Variants in METTL2A observed in about 807,000 individuals in gnomAD.
The protein encoded by METTL2A is methyltransferase 2A, tRNA N3-cytidine.
In METTL2A, 45 loss-of-function variants were observed where a neutral mutation model predicts 49.4. The observed-to-expected ratio is 0.91, with a 90% CI of 0.72 to 1.17. The LOEUF (loss-of-function observed/expected upper bound fraction) is 1.17, where lower values mean the gene tolerates loss of function less well. Among genes scored for constraint, METTL2A ranks in the 50% most tolerant of loss-of-function variants. The pLI is 0.00. For missense variants in METTL2A, 361 were observed against 462.2 expected, an observed-to-expected ratio of 0.78 and a Z score of 2.01; for synonymous variants, 118 against 167.5, an observed-to-expected ratio of 0.70 and a Z score of 2.28.
In METTL2A at chr17:62,435,297, G is replaced by A. The variant is rs1402101357; in HGVS notation, c.669+5G>A. 3.7e-6 allele frequency: 6 copies of A among 1,613,956 alleles called. No individual in the cohort carries two copies. Among genetic ancestry groups the A allele is most frequent in the Middle Eastern group, 3.3e-4 (2 of 6,060 alleles). On this transcript the variant is annotated splice_donor_5th_base_variant and intron_variant, in intron 5 of 8. Coordinates refer to ENST00000311506, the MANE Select transcript of METTL2A (RefSeq NM_181725.4). ...ACAGCTATAGAACTGGTCCAGGTGA[G>A]TACAATGGGAAATTACCTATTGGTA...
rs537670841 is a variant in METTL2A at position 62,453,292 on chromosome 17, C to T, written c.*4563C>T. On this transcript the variant is annotated 3_prime_UTR_variant, in exon 9 of 9. Transcript: ENST00000311506. ...TTGCATAACGTTTCATCCTCAGAAT[C>T]GCTAATGATGGGCAGAGGACTGTTA... is the stretch of plus-strand genomic sequence containing the variant. 4.6e-5 allele frequency among the ~76,000 whole-genome samples: 7 copies of T among 152,230 alleles called. No homozygotes were observed. Among genetic ancestry groups the T allele is most frequent in the East Asian group, 1.9e-4 (1 of 5,184 alleles).
chr17:62,426,351 C>T lies in METTL2A; in HGVS notation c.255C>T (p.His85=), dbSNP rs543874939. The change falls in exon 3 of 9, where the codon CAC becomes CAT. Residue 85 remains histidine (H), a synonymous_variant. Coordinates refer to ENST00000311506, the MANE Select transcript of METTL2A (RefSeq NM_181725.4). ...HKYWNDFYKI[H]ENGFFKDRHW... ...ACTGGAATGACTTCTACAAAATCCA[C>T]GAAAATGGGTTTTTCAAGGATAGAC... The T allele has an allele frequency of 4.9e-5, 79 of 1,613,338 alleles. No homozygotes were observed. The East Asian group carries it at 1.3e-3, about 26-fold the overall frequency.
chr17:62,447,217 G>C (rs1326594907), intron 7 of METTL2A, among the ~76,000 whole-genome samples: 4 of 152,136 alleles, frequency 2.6e-5, no homozygotes, highest in Non-Finnish European at 2.9e-5. Flanking sequence ...TGAGGAGTTT[G>C]AGACCAGCCT....
Position 62,427,783 on chromosome 17 carries a change from T to A in METTL2A, c.559-5T>A. The A allele has an allele frequency of 6.2e-7, 1 of 1,607,290 alleles. No homozygotes were observed. Among genetic ancestry groups the A allele is most frequent in the Non-Finnish European group, 8.5e-7 (1 of 1,178,432 alleles). On this transcript the variant is annotated splice_polypyrimidine_tract_variant and splice_region_variant and intron_variant, in intron 3 of 8. Coordinates refer to ENST00000311506, the MANE Select transcript of METTL2A (RefSeq NM_181725.4). ...CTGTGATTAATAGTTCATTTCTGTCTGCAGGTTGGCTGTGGTGTGGGAAAC... is the reference window on the plus strand; with the variant it reads ...CTGTGATTAATAGTTCATTTCTGTCAGCAGGTTGGCTGTGGTGTGGGAAAC...
chr17:62,439,487 G>A (rs1041950253), intron 5 of METTL2A, among the ~76,000 whole-genome samples: 6 of 152,032 alleles, frequency 3.9e-5, no homozygotes, highest in Admixed American at 3.9e-4. Flanking sequence ...AGGCTGGAGT[G>A]CAGTGGTGCC....
rs1165176627 is a variant in METTL2A, at chr17:62,452,000, C to T, written c.*3271C>T. 2.6e-5 allele frequency among the ~76,000 whole-genome samples: 4 copies of T among 151,878 alleles called. No individual in the cohort carries two copies. The highest frequency in any genetic ancestry group is 4.4e-5 in the Non-Finnish European group (3 of 68,002). On this transcript the variant is annotated 3_prime_UTR_variant, in exon 9 of 9. Coordinates refer to ENST00000311506, the MANE Select transcript of METTL2A (RefSeq NM_181725.4). Reference sequence around the variant, plus strand: ...ATTTGAACCTGGGAGGCGGAGGTTGCGGTGAGCCGAGATCGCGCCATTGCA... The same window carrying T: ...ATTTGAACCTGGGAGGCGGAGGTTGTGGTGAGCCGAGATCGCGCCATTGCA...
At chr17:62,447,123 A>G (rs1413478138) in intron 7 of METTL2A, among the ~76,000 whole-genome samples, 2 of 152,176 alleles carry the variant, frequency 1.3e-5, no homozygotes, top group Non-Finnish European at 1.5e-5. Flanking sequence ...GCTTAATTAA[A>G]AAAAATAAAA....
At position 62,435,288 on chromosome 17, in the gene METTL2A, T is replaced by A. The variant is rs369852779; in HGVS notation, c.665T>A (p.Val222Asp). Reference protein sequence around the residue: ...CDFSSTAIELVQTNSEYDPSR... With the variant: ...CDFSSTAIELDQTNSEYDPSR... The stretch of plus-strand genomic sequence containing the variant: ...TTTTCTTCCACAGCTATAGAACTGG[T>A]CCAGGTGAGTACAATGGGAAATTAC... Residue 222 changes from valine to aspartate, a missense_variant, in exon 5 of 9, where the codon GTC (valine) becomes GAC (aspartate). Coordinates refer to ENST00000311506, the MANE Select transcript of METTL2A (RefSeq NM_181725.4). 17 of 1,613,950 alleles carry A rather than the reference T, an allele frequency of 1.1e-5. No homozygotes were observed. Among genetic ancestry groups the A allele is most frequent in the Non-Finnish European group, 1.4e-5 (17 of 1,179,858 alleles).
chr17:62,427,850 T>C lies in METTL2A; in HGVS notation c.608+13T>C. ...TACAAACGAACAAGTAAGTATGTTG[T>C]AAAAGTTTATGATAGCAAAGAAGAT... On this transcript the variant is annotated intron_variant, in intron 4 of 8. Transcript: ENST00000311506. The C allele has an allele frequency of 6.2e-7, 1 of 1,603,618 alleles. No homozygotes were observed. Among genetic ancestry groups the C allele is most frequent in the Non-Finnish European group, 8.5e-7 (1 of 1,175,216 alleles).
chr17:62,428,113 G>A (rs1370201978), intron 4 of METTL2A, among the ~76,000 whole-genome samples: 1 of 152,170 alleles, frequency 6.6e-6, no homozygotes, highest in Non-Finnish European at 1.5e-5. Context: ...GTTTTAATTT[G>A]ATTATCTTTG....
Position 62,448,734 on chromosome 17 carries a change from C to T in METTL2A, c.*5C>T. The T allele has an allele frequency of 8.7e-6, 14 of 1,613,370 alleles. No homozygotes were observed. Among genetic ancestry groups the T allele is most frequent in the Non-Finnish European group, 1.2e-5 (14 of 1,179,774 alleles). ...CTTCTGTCCAGCACCAGCTGAGAGG[C>T]ACCTGCTGCCAACACGATGCAAGCC... On this transcript the variant is annotated 3_prime_UTR_variant, in exon 9 of 9. Transcript: ENST00000311506.
At chr17:62,436,709 G>T (rs2070702661) in intron 5 of METTL2A, among the ~76,000 whole-genome samples, 1 of 152,148 alleles carries the variant, frequency 6.6e-6, no homozygotes, top group Non-Finnish European at 1.5e-5. Context: ...GGTTGGGGTG[G>T]TCGTTGCTAA....
Position 62,440,635 on chromosome 17 carries a change from C to A in METTL2A, c.688C>A (p.Pro230Thr), listed in dbSNP as rs758303734. 2 of 1,612,722 alleles carry A rather than the reference C, an allele frequency of 1.2e-6. No homozygotes were observed. Among genetic ancestry groups the A allele is most frequent in the East Asian group, 2.2e-5 (1 of 44,830 alleles). The change falls in exon 6 of 9, where the codon CCT (proline) becomes ACT (threonine). Residue 230 changes from proline (P) to threonine (T), a missense_variant. By Grantham distance (38) the Pro-to-Thr change is conservative (BLOSUM62 -1). Transcript: ENST00000311506. ...ELVQTNSEYDPSRCFAFVHDL... is the reference protein window; with the variant it reads ...ELVQTNSEYDTSRCFAFVHDL... ...TCTGCAGACAAATTCAGAATATGAT[C>A]CTTCTCGGTGTTTTGCCTTTGTTCA...
chr17:62,438,921 T>C (rs1244830850), intron 5 of METTL2A, among the ~76,000 whole-genome samples: 2 of 150,432 alleles, frequency 1.3e-5, no homozygotes, highest in South Asian at 4.2e-4. Flanking sequence ...CAAGTGATTC[T>C]CCCACCTCCT....
chr17:62,449,721 A>G lies in METTL2A; in HGVS notation c.*992A>G, dbSNP rs2070793369. On this transcript the variant is annotated 3_prime_UTR_variant, in exon 9 of 9. Transcript: ENST00000311506. ...CAAGACTCTGTCTCAAAAAAATAAA[A>G]ATAAAAAAAAAATCTTAGTTCCATG... The G allele has an allele frequency of 5.9e-6, 1 of 170,138 alleles. No homozygotes were observed. Among genetic ancestry groups the G allele is most frequent in the African/African-American group, 2.4e-5 (1 of 41,238 alleles). 10.5% of individuals were successfully genotyped at this position (170,138 alleles called of 1,614,324 possible).
intron 4 of METTL2A, among the ~76,000 whole-genome samples, chr17:62,429,898 T>TG (rs2070653411): frequency 6.6e-6 from 1 of 152,206 alleles, no homozygotes; most frequent in South Asian, 2.1e-4. Context: ...CTCGAACTCC[T>TG]GACCTCAAGT....
At chr17:62,444,642 A>G (rs1184130649) in intron 6 of METTL2A, among the ~76,000 whole-genome samples, 195 bp from the exon 7 acceptor site, 2 of 152,194 alleles carry the variant, frequency 1.3e-5, no homozygotes, top group Middle Eastern at 3.2e-3. Flanking sequence ...GGCTGAAGGC[A>G]GTGGATCGAG....
chr17:62,426,280 T>G lies in METTL2A; in HGVS notation c.203-19T>G, dbSNP rs2070625671. On this transcript the variant is annotated intron_variant, in intron 2 of 8. Coordinates refer to ENST00000311506, the MANE Select transcript of METTL2A (RefSeq NM_181725.4). ...CATTTGAGAGCTGGTTCTTAAAATT[T>G]TTTCTTAAATATTTACAGTTGATTA... The G allele has an allele frequency of 5.9e-6, 9 of 1,537,852 alleles. No homozygotes were observed. The highest frequency in any genetic ancestry group is 6.2e-6 in the Non-Finnish European group (7 of 1,130,690).
intron 6 of METTL2A, 109 bp downstream of exon 6, chr17:62,440,865 G>A: frequency 7.2e-7 from 1 of 1,379,792 alleles, no homozygotes; most frequent in Non-Finnish European, 9.9e-7. Flanking sequence ...GAGTGCAGTG[G>A]CACGATCATG....
Sources: gnomAD v4.1 joint callset for allele counts (sites outside exome capture counted in the v4.1 genomes callset) on GRCh38, gnomAD v4.1.1 for gene constraint, MANE v1.5 for transcripts, NCBI Gene and HGNC (gene_info 2026-07-23, HGNC 2026-07-21) for gene names.